The following ACAP2 variants were observed in gnomAD, a reference collection of about 807,000 sequenced individuals.
ACAP2 encodes the protein arf-GAP with coiled-coil, ANK repeat and PH domain-containing protein 2.
Under a neutral mutation model 115.8 loss-of-function variants are expected in ACAP2, and 39 were observed. The ratio of observed to expected loss-of-function variants is 0.34; its 90% CI spans 0.26 to 0.44. ACAP2 has a LOEUF of 0.44. Ranked by LOEUF, ACAP2 falls within the 20% of genes least tolerant of loss-of-function variation. The pLI is 1.00. For missense variants in ACAP2, 662 were observed against 927.6 expected, an observed-to-expected ratio of 0.71 and a Z score of 3.72; for synonymous variants, 289 against 315.8, an observed-to-expected ratio of 0.92 and a Z score of 0.90.
intron 4 of ACAP2, among the ~76,000 whole-genome samples, chr3:195,356,533 C>A (rs1240148035): frequency 6.6e-6 from 1 of 152,066 alleles, no homozygotes; most frequent in Non-Finnish European, 1.5e-5. Context: ...TCACACATCT[C>A]CCAATCAAAG....
Position 195,417,316 on chromosome 3 carries a change from C to T in ACAP2, c.54-25169G>A, listed in dbSNP as rs192689088. 5.9e-5 allele frequency among the ~76,000 whole-genome samples: 9 copies of T among 152,048 alleles called. No individual in the cohort carries two copies. The East Asian group carries it at 1.5e-3, about 26-fold the overall frequency. ...CTCTACCTGAATGTACCATGCATAA[C>T]TCAAAAACGGGCATCAAATTCTCCA... On this transcript the variant is annotated intron_variant, in intron 1 of 22. Coordinates refer to ENST00000326793, the MANE Select transcript of ACAP2 (RefSeq NM_012287.6).
intron 8 of ACAP2, among the ~76,000 whole-genome samples, chr3:195,332,057 C>T (rs1730207626): frequency 6.6e-6 from 1 of 150,848 alleles, no homozygotes; most frequent in African/African-American, 2.4e-5. Context: ...TGGCAAGAAC[C>T]TGGGAGGTGG....
chr3:195,309,843 T>G (rs576268216), intron 10 of ACAP2, among the ~76,000 whole-genome samples: 3 of 152,278 alleles, frequency 2.0e-5, no homozygotes, highest in African/African-American at 7.2e-5. Context: ...ACTTACGATC[T>G]TTTTTAGAAG....
At chr3:195,323,065 T>G (rs1303799361) in intron 9 of ACAP2, among the ~76,000 whole-genome samples, 1 of 152,192 alleles carries the variant, frequency 6.6e-6, no homozygotes, top group Non-Finnish European at 1.5e-5. Flanking sequence ...CAAGGGCATC[T>G]GCCTATCAGG....
chr3:195,366,405 T>C (rs976695184), intron 4 of ACAP2, among the ~76,000 whole-genome samples: 4 of 152,222 alleles, frequency 2.6e-5, no homozygotes, highest in Non-Finnish European at 1.5e-5. Flanking sequence ...TGGGCAACTT[T>C]TAAATACACA....
At chr3:195,418,692 A>G (rs917390879) in intron 1 of ACAP2, among the ~76,000 whole-genome samples, 1 of 152,178 alleles carries the variant, frequency 6.6e-6, no homozygotes, top group East Asian at 1.9e-4. Context: ...GGCGTCCCCA[A>G]GTGCTGGGAT....
chr3:195,360,571 G>A (rs760817786), intron 4 of ACAP2, among the ~76,000 whole-genome samples: 3 of 152,250 alleles, frequency 2.0e-5, no homozygotes, highest in Non-Finnish European at 4.4e-5. Flanking sequence ...CAAGGCGGGC[G>A]ATCACCTGAG....
chr3:195,404,639 C>T (rs2108798318), intron 1 of ACAP2, among the ~76,000 whole-genome samples: 1 of 151,294 alleles, frequency 6.6e-6, no homozygotes, highest in East Asian at 1.9e-4. Flanking sequence ...AAGGCTGAGG[C>T]AAAAGTTATA....
intron 4 of ACAP2, among the ~76,000 whole-genome samples, chr3:195,373,301 T>C (rs896200320): frequency 1.3e-5 from 2 of 152,110 alleles, no homozygotes; most frequent in African/African-American, 4.8e-5. Context: ...ATCTTTCATA[T>C]ATAAAAGTAT....
rs927571754 is a variant in ACAP2, at chr3:195,381,713, C to T, written c.231+190G>A. The stretch of plus-strand genomic sequence containing the variant: ...GTGAGAAGAGCCATGCTAGATAATG[C>T]GCAATGCAAATCAACCATCACCTTC... On this transcript the variant is annotated intron_variant, in intron 3 of 22. Transcript: ENST00000326793. 2.0e-5 allele frequency among the ~76,000 whole-genome samples: 3 copies of T among 152,004 alleles called. 1 individual carries two copies. Among genetic ancestry groups the T allele is most frequent in the Admixed American group, 1.3e-4 (2 of 15,242 alleles).
At chr3:195,309,477 C>T (rs538024522) in intron 10 of ACAP2, among the ~76,000 whole-genome samples, 15 of 150,110 alleles carry the variant, frequency 1.0e-4, no homozygotes, top group Admixed American at 6.7e-4. Flanking sequence ...ACCCGGGAGG[C>T]AGAGGTTGCA....
chr3:195,389,451 T>C (rs1734511875), intron 2 of ACAP2, among the ~76,000 whole-genome samples: 2 of 152,210 alleles, frequency 1.3e-5, no homozygotes, highest in African/African-American at 4.8e-5. Flanking sequence ...CTTACTCTTA[T>C]TTCATGTATA....
At chr3:195,305,457 C>T (rs1048668570) in intron 13 of ACAP2, among the ~76,000 whole-genome samples, 2 of 152,104 alleles carry the variant, frequency 1.3e-5, no homozygotes, top group Non-Finnish European at 2.9e-5. Flanking sequence ...GAACCAAGAC[C>T]TTTTCAGATA....
intron 10 of ACAP2, among the ~76,000 whole-genome samples, chr3:195,312,348 A>G (rs59751965): frequency 0.023 from 3,496 of 152,322 alleles, 135 homozygotes; most frequent in African/African-American, 0.079. Flanking sequence ...CGAACTGACA[A>G]TGTATTCTTT....
chr3:195,399,180 A>T (rs1577415445), intron 1 of ACAP2, among the ~76,000 whole-genome samples: 1 of 152,006 alleles, frequency 6.6e-6, no homozygotes, highest in South Asian at 2.1e-4. Flanking sequence ...TTTAAGCCAT[A>T]AAAAAAACCT....
At chr3:195,419,138 T>A (rs1196864643) in intron 1 of ACAP2, among the ~76,000 whole-genome samples, 2 of 152,200 alleles carry the variant, frequency 1.3e-5, no homozygotes, top group Non-Finnish European at 2.9e-5. Flanking sequence ...TAGTTTTTAA[T>A]ATACTCAGAG....
intron 4 of ACAP2, among the ~76,000 whole-genome samples, chr3:195,361,598 C>G (rs1455932633): frequency 3.3e-5 from 5 of 151,786 alleles, no homozygotes; most frequent in Non-Finnish European, 7.4e-5. Context: ...AATAAACAAC[C>G]TAATGATGCA....
intron 1 of ACAP2, among the ~76,000 whole-genome samples, chr3:195,420,459 C>T (rs898452671): frequency 1.3e-5 from 2 of 152,208 alleles, no homozygotes; most frequent in Admixed American, 1.3e-4. Context: ...CGCCATTCTC[C>T]TGCCTCAGCC....
At chr3:195,284,992 A>AATT (rs1272590725) in intron 22 of ACAP2, among the ~76,000 whole-genome samples, 1 of 152,218 alleles carries the variant, frequency 6.6e-6, no homozygotes, top group Non-Finnish European at 1.5e-5. Context: ...CAAAGGTGAA[A>AATT]ATTACTCAAA....
Sources: allele counts gnomAD v4.1 joint callset (sites outside exome capture counted in the v4.1 genomes callset), GRCh38; gene constraint gnomAD v4.1.1; transcripts MANE v1.5; gene names NCBI Gene and HGNC (gene_info 2026-07-23, HGNC 2026-07-21).